ZRANB3: variants seen among roughly 807,000 people sequenced by gnomAD.
ZRANB3 encodes DNA annealing helicase and endonuclease ZRANB3.
Under a neutral mutation model 133.8 loss-of-function variants are expected in ZRANB3, and 125 were observed. That is an observed-to-expected ratio of 0.93 (90% CI 0.81 to 1.08). The LOEUF (loss-of-function observed/expected upper bound fraction) is 1.08. Ranked by LOEUF, ZRANB3 falls within the 50% of genes least tolerant of loss-of-function variation. ZRANB3 has a pLI of 0.00. For synonymous variants in ZRANB3, 387 were observed against 432.7 expected (o/e 0.89, Z 1.31); for missense variants, 1,229 against 1,275.5 (o/e 0.96, Z 0.56).
intron 16 of ZRANB3, among the ~76,000 whole-genome samples, chr2:135,218,751 T>C (rs1694418763): frequency 6.6e-6 from 1 of 152,154 alleles, no homozygotes; most frequent in Non-Finnish European, 1.5e-5. Flanking sequence ...GAACTTAACC[T>C]TAATAGAAAA....
chr2:135,323,326 G>T (rs965724976), intron 6 of ZRANB3, among the ~76,000 whole-genome samples: 4 of 152,078 alleles, frequency 2.6e-5, no homozygotes, highest in African/African-American at 9.7e-5. Flanking sequence ...TATCATCCAA[G>T]AAGAATATTA....
intron 3 of ZRANB3, among the ~76,000 whole-genome samples, chr2:135,381,436 C>T (rs1001174481): frequency 3.9e-5 from 6 of 152,168 alleles, no homozygotes; most frequent in Middle Eastern, 3.2e-3. Context: ...ACTGCATAGC[C>T]GAACAAAAGG....
chr2:135,429,183 A>T (rs1011775990), intron 2 of ZRANB3, among the ~76,000 whole-genome samples: 2 of 152,242 alleles, frequency 1.3e-5, no homozygotes, highest in Non-Finnish European at 2.9e-5. Flanking sequence ...GTACATATAC[A>T]TTATGCAATA....
intron 3 of ZRANB3, among the ~76,000 whole-genome samples, chr2:135,377,678 T>C (rs1032569535): frequency 1.3e-5 from 2 of 152,236 alleles, no homozygotes; most frequent in Non-Finnish European, 2.9e-5. Flanking sequence ...TCCACACTGA[T>C]ACAAATACAT....
chr2:135,456,455 A>G (rs1480327617), intron 2 of ZRANB3, among the ~76,000 whole-genome samples: 1 of 152,210 alleles, frequency 6.6e-6, no homozygotes, highest in African/African-American at 2.4e-5. Flanking sequence ...TATCCTCAAT[A>G]AGAGTAAGAA....
chr2:135,407,439 C>T (rs1001894398), intron 2 of ZRANB3, among the ~76,000 whole-genome samples: 3 of 151,206 alleles, frequency 2.0e-5, no homozygotes, highest in Admixed American at 1.3e-4. Context: ...ATCAAGCTAC[C>T]AATGACTTTC....
At chr2:135,273,003 G>A (rs1680608924) in intron 9 of ZRANB3, among the ~76,000 whole-genome samples, 2 of 151,688 alleles carry the variant, frequency 1.3e-5, no homozygotes, top group South Asian at 4.2e-4. Flanking sequence ...CTAACATGGC[G>A]AAACCCCATC....
intron 6 of ZRANB3, among the ~76,000 whole-genome samples, chr2:135,334,826 C>A (rs553387153): frequency 2.6e-5 from 4 of 151,948 alleles, no homozygotes; most frequent in Non-Finnish European, 4.4e-5. Flanking sequence ...ACCTGGGAGG[C>A]GGAGGTTGCA....
At chr2:135,345,863 C>A (rs1168469393) in intron 5 of ZRANB3, among the ~76,000 whole-genome samples, 4 of 152,110 alleles carry the variant, frequency 2.6e-5, no homozygotes, top group Admixed American at 2.0e-4. Context: ...CTTTTATTCA[C>A]ATAAGGAGGA....
chr2:135,492,341 T>TTTAA (rs1330412013), intron 2 of ZRANB3, among the ~76,000 whole-genome samples: 1 of 152,040 alleles, frequency 6.6e-6, no homozygotes, highest in African/African-American at 2.4e-5. Context: ...AATAAAAAGA[T>TTTAA]GGTTAAAGGC....
chr2:135,288,060 C>T (rs762014055), intron 8 of ZRANB3, among the ~76,000 whole-genome samples: 4 of 152,032 alleles, frequency 2.6e-5, no homozygotes, highest in South Asian at 2.1e-4. Flanking sequence ...GTATAATGTT[C>T]GCTGTGGGTT....
intron 2 of ZRANB3, among the ~76,000 whole-genome samples, chr2:135,391,053 G>A (rs1193970309): frequency 2.0e-5 from 3 of 152,090 alleles, no homozygotes; most frequent in South Asian, 2.1e-4. Flanking sequence ...TAGAGAAGGG[G>A]TTTCACTATG....
chr2:135,360,533 A>G (rs531425170), intron 3 of ZRANB3, among the ~76,000 whole-genome samples: 39 of 151,310 alleles, frequency 2.6e-4, no homozygotes, highest in Admixed American at 8.6e-4. Context: ...GTGAAACCCC[A>G]TCTCCACTAA....
intron 4 of ZRANB3, among the ~76,000 whole-genome samples, chr2:135,350,964 T>C (rs943062497): frequency 2.0e-5 from 3 of 152,240 alleles, no homozygotes; most frequent in Admixed American, 6.5e-5. Flanking sequence ...TCTTACCATA[T>C]CATGAGATTG....
chr2:135,468,554 C>T (rs979267836), intron 2 of ZRANB3, among the ~76,000 whole-genome samples: 1 of 152,182 alleles, frequency 6.6e-6, no homozygotes, highest in Non-Finnish European at 1.5e-5. Flanking sequence ...ACGTCTTATT[C>T]ATTTCTGTAT....
At chr2:135,383,795 C>T (rs6710532) in intron 3 of ZRANB3, among the ~76,000 whole-genome samples, 4,845 of 152,024 alleles carry the variant, frequency 0.032, 247 homozygotes, top group African/African-American at 0.11. Flanking sequence ...TTGAAACCAA[C>T]GAGAACAAAG....
chr2:135,271,101 G>T (rs1384351509), intron 10 of ZRANB3, among the ~76,000 whole-genome samples: 1 of 152,228 alleles, frequency 6.6e-6, no homozygotes, highest in African/African-American at 2.4e-5. Context: ...CCAGGCAGCT[G>T]CTTAGACTGC....
chr2:135,433,144 C>T (rs1182262952), intron 2 of ZRANB3, among the ~76,000 whole-genome samples: 1 of 151,974 alleles, frequency 6.6e-6, no homozygotes, highest in Admixed American at 6.6e-5. Flanking sequence ...GAAGAATGAA[C>T]CCCCTAAGAT....
rs553409214 is a variant in ZRANB3, at chr2:135,288,130, T to A, written c.967-12375A>T. Reference sequence around the variant, plus strand: ...CCCCTCTATGATGATTTGCTGAGGGTTTTAATCACAAAAGGATGCTGGATT... The same window carrying A: ...CCCCTCTATGATGATTTGCTGAGGGATTTAATCACAAAAGGATGCTGGATT... On this transcript the variant is annotated intron_variant, in intron 8 of 20. Transcript: ENST00000264159. Among the ~76,000 whole-genome samples the A allele has an allele frequency of 2.0e-5, 3 of 152,132 alleles. No homozygotes were observed. The South Asian group carries it at 6.2e-4, about 32-fold the overall frequency.
Sources: gnomAD v4.1 joint callset for allele counts (sites outside exome capture counted in the v4.1 genomes callset) on GRCh38, gnomAD v4.1.1 for gene constraint, MANE v1.5 for transcripts, NCBI Gene and HGNC (gene_info 2026-07-23, HGNC 2026-07-21) for gene names.